GALNT17: variants seen among roughly 807,000 people sequenced by gnomAD.
GALNT17 encodes the protein polypeptide N-acetylgalactosaminyltransferase 17.
In GALNT17, 29 loss-of-function variants were observed where a neutral mutation model predicts 63.7. That is an observed-to-expected ratio of 0.46 (90% CI 0.34 to 0.62). The LOEUF (loss-of-function observed/expected upper bound fraction) is 0.62, where lower values mean the gene tolerates loss of function less well. GALNT17 is among the 20% of genes least tolerant of loss of function. GALNT17 has a pLI of 0.01. For synonymous variants in GALNT17, 305 were observed against 318.3 expected (o/e 0.96, Z 0.45); for missense variants, 603 against 799.6 (o/e 0.75, Z 2.97).
chr7:71,149,569 C>G (rs1167456042), intron 1 of GALNT17, among the ~76,000 whole-genome samples: 2 of 152,054 alleles, frequency 1.3e-5, no homozygotes, highest in Non-Finnish European at 2.9e-5. Context: ...AGTAGTCACT[C>G]GTGTGAAAAG....
chr7:71,597,809 T>G (rs1188350961), intron 6 of GALNT17, among the ~76,000 whole-genome samples: 2 of 152,204 alleles, frequency 1.3e-5, no homozygotes, highest in Admixed American at 6.5e-5. Context: ...TTACCTTGCT[T>G]GTCAATGTGG....
chr7:71,439,585 C>T (rs1787029182), intron 5 of GALNT17, among the ~76,000 whole-genome samples: 1 of 152,234 alleles, frequency 6.6e-6, no homozygotes, highest in Non-Finnish European at 1.5e-5. Flanking sequence ...GTAGATTAAT[C>T]TGAATAATGT....
Position 71,539,113 on chromosome 7 carries a change from G to A in GALNT17, c.963-32172G>A, listed in dbSNP as rs1342578823. Among the ~76,000 whole-genome samples the A allele has an allele frequency of 5.3e-5, 8 of 152,124 alleles. No individual in the cohort carries two copies. In the East Asian group the frequency reaches 1.6e-3, roughly 29 times the overall value. ...GCTCAACTAATTTTTGTATTTTTTG[G>A]CAGAGACAAAGTTTCACCATGTTGG... On this transcript the variant is annotated intron_variant, in intron 5 of 10. Transcript: ENST00000333538.
intron 2 of GALNT17, among the ~76,000 whole-genome samples, chr7:71,357,294 A>G (rs1164596715): frequency 6.6e-6 from 1 of 152,144 alleles, no homozygotes; most frequent in African/African-American, 2.4e-5. Context: ...GATCAGCGGC[A>G]GCATTAGATT....
At chr7:71,683,508 T>A (rs1016846063) in intron 9 of GALNT17, among the ~76,000 whole-genome samples, 30 of 152,214 alleles carry the variant, frequency 2.0e-4, no homozygotes, top group African/African-American at 7.0e-4. Flanking sequence ...TTGTAATTTA[T>A]TATCAAACAG....
intron 6 of GALNT17, among the ~76,000 whole-genome samples, chr7:71,583,241 C>T (rs1436303340): frequency 6.6e-6 from 1 of 152,104 alleles, no homozygotes; most frequent in Non-Finnish European, 1.5e-5. Context: ...ACCACAGGGG[C>T]ACACCACCAC....
intron 2 of GALNT17, among the ~76,000 whole-genome samples, chr7:71,380,382 C>G (rs1017995444): frequency 1.3e-5 from 2 of 152,076 alleles, no homozygotes; most frequent in Non-Finnish European, 2.9e-5. Context: ...GTTGACCAGG[C>G]TGGAGTGCAG....
chr7:71,301,375 A>C (rs1791193963), intron 1 of GALNT17, among the ~76,000 whole-genome samples: 1 of 147,334 alleles, frequency 6.8e-6, no homozygotes, highest in Admixed American at 6.8e-5. Flanking sequence ...ACTAATAATT[A>C]TATATAATAA....
chr7:71,533,019 T>C (rs1372506033), intron 5 of GALNT17, among the ~76,000 whole-genome samples: 1 of 152,156 alleles, frequency 6.6e-6, no homozygotes, highest in Admixed American at 6.5e-5. Context: ...ATGTTTCTCT[T>C]TGACTAAACA....
At chr7:71,581,145 A>G in intron 6 of GALNT17, among the ~76,000 whole-genome samples, 1 of 152,038 alleles carries the variant, frequency 6.6e-6, no homozygotes, top group East Asian at 1.9e-4. Flanking sequence ...AGGAAGGGCT[A>G]AACACTTTTA....
intron 1 of GALNT17, among the ~76,000 whole-genome samples, chr7:71,182,036 G>A (rs184236217): frequency 8.5e-5 from 13 of 152,218 alleles, no homozygotes; most frequent in Admixed American, 5.2e-4. Context: ...TTAGCTGGGC[G>A]TGGTGGCGCA....
At chr7:71,511,395 G>A (rs1211352274) in intron 5 of GALNT17, among the ~76,000 whole-genome samples, 3 of 151,964 alleles carry the variant, frequency 2.0e-5, no homozygotes, top group Admixed American at 1.3e-4. Context: ...AGCAACCCTC[G>A]TGGCCCTAGG....
At chr7:71,288,426 C>T (rs73356034) in intron 1 of GALNT17, among the ~76,000 whole-genome samples, 7,164 of 151,856 alleles carry the variant, frequency 0.047, 538 homozygotes, top group African/African-American at 0.16. Flanking sequence ...TTCAAACCCA[C>T]GGTTTTCAGG....
chr7:71,288,711 C>CGT (rs1790923606), intron 1 of GALNT17, among the ~76,000 whole-genome samples: 1 of 152,026 alleles, frequency 6.6e-6, no homozygotes, highest in South Asian at 2.1e-4. Context: ...TGCTTTGATG[C>CGT]GTGTGTTCAT....
intron 4 of GALNT17, among the ~76,000 whole-genome samples, chr7:71,420,387 TCA>T (rs141166051): frequency 4.0e-5 from 6 of 151,412 alleles, no homozygotes; most frequent in Admixed American, 2.0e-4. Flanking sequence ...ACTGAAATAA[TCA>T]CACACACACA....
intron 6 of GALNT17, among the ~76,000 whole-genome samples, chr7:71,640,927 C>G (rs1232722982): frequency 6.6e-6 from 1 of 152,022 alleles, no homozygotes; most frequent in Non-Finnish European, 1.5e-5. Context: ...GTCTGCAGCA[C>G]AGAGCTTTAA....
intron 1 of GALNT17, among the ~76,000 whole-genome samples, chr7:71,323,105 A>G (rs1332775150): frequency 6.6e-6 from 1 of 152,074 alleles, no homozygotes; most frequent in Non-Finnish European, 1.5e-5. Context: ...AAATTACATG[A>G]TAATGATATG....
At chr7:71,248,401 A>C (rs1026206768) in intron 1 of GALNT17, among the ~76,000 whole-genome samples, 3 of 152,196 alleles carry the variant, frequency 2.0e-5, no homozygotes, top group African/African-American at 7.2e-5. Context: ...AGGGGTGGTC[A>C]AGGCAGAAGA....
At chr7:71,300,672 C>A in intron 1 of GALNT17, 1 of 249,790 alleles carries the variant, frequency 4.0e-6, no homozygotes, top group Non-Finnish European at 8.1e-6. Context: ...AAAAATTGCG[C>A]ATCATATTTC....
Sources: gnomAD v4.1 joint callset for allele counts (sites outside exome capture counted in the v4.1 genomes callset) on GRCh38, gnomAD v4.1.1 for gene constraint, MANE v1.5 for transcripts, NCBI Gene and HGNC (gene_info 2026-07-23, HGNC 2026-07-21) for gene names.